Variants in SNX30 observed in about 807,000 individuals in gnomAD.
SNX30 encodes the protein sorting nexin family member 30.
A neutral mutation model predicts 46.4 loss-of-function variants in SNX30; 24 were observed. The observed-to-expected ratio is 0.52, with a 90% CI of 0.37 to 0.73. SNX30 has a LOEUF of 0.73. SNX30 is among the 30% of genes least tolerant of loss of function. SNX30 has a pLI of 0.00. For synonymous variants in SNX30, 189 were observed against 211.5 expected (o/e 0.89, Z 0.92); for missense variants, 533 against 555.7 (o/e 0.96, Z 0.41).
rs1284016846 is a variant in SNX30 at position 112,812,552 on chromosome 9, C to T, written c.349-5153C>T. 3.3e-5 allele frequency among the ~76,000 whole-genome samples: 5 copies of T among 152,180 alleles called. No homozygotes were observed. The East Asian group carries it at 9.6e-4, about 29-fold the overall frequency. On this transcript the variant is annotated intron_variant, in intron 2 of 8. Transcript: ENST00000374232. The stretch of plus-strand genomic sequence containing the variant: ...TACAGGTGTGAGCCACCGTAGTGGA[C>T]CTTGAGCATCCCTTTCATGATAACT...
At chr9:112,825,629 C>T (rs769356345) in intron 3 of SNX30, among the ~76,000 whole-genome samples, 5 of 151,820 alleles carry the variant, frequency 3.3e-5, no homozygotes, top group African/African-American at 7.3e-5. Context: ...TTGGCCTAAA[C>T]GTTATATAGA....
intron 8 of SNX30, among the ~76,000 whole-genome samples, chr9:112,865,941 C>G (rs61037015): frequency 6.6e-6 from 1 of 152,096 alleles, no homozygotes; most frequent in East Asian, 1.9e-4. Context: ...TCAAATGTCT[C>G]TGTTGCTCCC....
At chr9:112,779,207 A>G (rs1839804476) in intron 1 of SNX30, among the ~76,000 whole-genome samples, 1 of 152,188 alleles carries the variant, frequency 6.6e-6, no homozygotes, top group African/African-American at 2.4e-5. Context: ...TATGCAATGT[A>G]TTAGCGGGAC....
chr9:112,814,229 A>AATTTTTATTTTT (rs1365452372), intron 2 of SNX30, among the ~76,000 whole-genome samples: 1 of 152,248 alleles, frequency 6.6e-6, no homozygotes, highest in East Asian at 1.9e-4. Context: ...GACTTGACTC[A>AATTTTTATTTTT]ATTTTTATTT....
intron 1 of SNX30, among the ~76,000 whole-genome samples, chr9:112,795,749 C>T (rs1840095884): frequency 7.9e-6 from 1 of 126,776 alleles, no homozygotes; most frequent in African/African-American, 2.9e-5. Flanking sequence ...ATCACACACA[C>T]ACACTCACAG....
At chr9:112,780,200 T>C (rs187148693) in intron 1 of SNX30, among the ~76,000 whole-genome samples, 128 of 152,314 alleles carry the variant, frequency 8.4e-4, no homozygotes, top group African/African-American at 3.0e-3. Context: ...TGTTTAAACA[T>C]GTACATGTAT....
rs1329782820 is a variant in SNX30 at position 112,842,635 on chromosome 9, AC to A, written c.1014+3940del. On this transcript the variant is annotated intron_variant, in intron 6 of 8. Coordinates refer to ENST00000374232, the MANE Select transcript of SNX30 (RefSeq NM_001012994.2). ...GGCCACAGGACTATACTCCTTAGTG[AC>A]CAATCAGCTTGTAGCTGTGTGTTTA... Among the ~76,000 whole-genome samples the A allele has an allele frequency of 5.3e-5, 8 of 152,332 alleles. No individual in the cohort carries two copies. In the East Asian group the frequency reaches 1.4e-3, roughly 26 times the overall value.
Position 112,840,408 on chromosome 9 carries a change from A to T in SNX30, c.1014+1711A>T, listed in dbSNP as rs747659535. 5.8e-4 allele frequency among the ~76,000 whole-genome samples: 88 copies of T among 152,374 alleles called. No homozygotes were observed. The Middle Eastern group carries it at 0.027, about 47-fold the overall frequency. On this transcript the variant is annotated intron_variant, in intron 6 of 8. Transcript: ENST00000374232. Reference sequence around the variant, plus strand: ...AATTTTTGATCCTATGGCCAAAACAAGTATAGAAAGACATGCTGACTTTCT... The same window carrying T: ...AATTTTTGATCCTATGGCCAAAACATGTATAGAAAGACATGCTGACTTTCT...
In SNX30 at chr9:112,853,658, C is replaced by T. The variant is rs1322115337; in HGVS notation, c.1101+2713C>T. On this transcript the variant is annotated intron_variant, in intron 7 of 8. Transcript: ENST00000374232. The stretch of plus-strand genomic sequence containing the variant: ...GCATGATTTGACTTATATGTGGAAT[C>T]TAACAAAGTTGAAGTCATAGAAACA... 2.6e-5 allele frequency among the ~76,000 whole-genome samples: 4 copies of T among 152,204 alleles called. No individual in the cohort carries two copies. In the East Asian group the frequency reaches 5.8e-4, roughly 22 times the overall value.
chr9:112,861,877 C>G lies in SNX30; in HGVS notation c.1102-2370C>G, dbSNP rs370677059. ...TGAGGCCCGATCTTCCCAGGTTGGC[C>G]GCCCCCTCCATCCTCCTCAGCGTGC... On this transcript the variant is annotated intron_variant, in intron 7 of 8. Transcript: ENST00000374232. Among the ~76,000 whole-genome samples the G allele has an allele frequency of 5.3e-5, 8 of 152,302 alleles. No homozygotes were observed. In the East Asian group the frequency reaches 1.4e-3, roughly 26 times the overall value.
At chr9:112,782,958 G>A (rs1204449241) in intron 1 of SNX30, among the ~76,000 whole-genome samples, 1 of 152,234 alleles carries the variant, frequency 6.6e-6, no homozygotes, top group Non-Finnish European at 1.5e-5. Flanking sequence ...GTGTGTTAAT[G>A]GTTTCTGGTA....
rs748310913 is a variant in SNX30 at position 112,804,867 on chromosome 9, A to G, written c.248A>G (p.Asp83Gly). ...SLLNRLQLDD[D>G]IDGETRDLFV... ...CTCAACAGACTTCAGCTTGATGATG[A>G]TATTGATGGTGAGACTAGAGATCTC... The change falls in exon 2 of 9, where the codon GAT (aspartate) becomes GGT (glycine). Residue 83 changes from aspartate (D) to glycine (G), a missense_variant. Coordinates refer to ENST00000374232, the MANE Select transcript of SNX30 (RefSeq NM_001012994.2). The G allele has an allele frequency of 8.1e-6, 13 of 1,613,918 alleles. No individual in the cohort carries two copies. In the East Asian group the frequency reaches 2.2e-4, roughly 28 times the overall value.
At chr9:112,878,723 A>G (rs1841543778), downstream of SNX30, 1 of 152,224 alleles carries the variant, frequency 6.6e-6, no homozygotes, top group African/African-American at 2.4e-5. Flanking sequence ...GTATCTCAGC[A>G]CCTAGCATGG....
intron 1 of SNX30, among the ~76,000 whole-genome samples, chr9:112,763,716 G>T (rs1268481241): frequency 6.6e-6 from 1 of 151,992 alleles, no homozygotes; most frequent in African/African-American, 2.4e-5. Context: ...GGGCATGGCG[G>T]CGCGTGCCTG....
At chr9:112,764,827 G>A (rs1839508134) in intron 1 of SNX30, among the ~76,000 whole-genome samples, 1 of 152,198 alleles carries the variant, frequency 6.6e-6, no homozygotes, top group African/African-American at 2.4e-5. Flanking sequence ...TTGCTTTAAC[G>A]TAGGAGTAAG....
chr9:112,783,186 T>C (rs1248365407), intron 1 of SNX30, among the ~76,000 whole-genome samples: 3 of 152,236 alleles, frequency 2.0e-5, no homozygotes, highest in Non-Finnish European at 4.4e-5. Context: ...GGTAACTGTT[T>C]AATGAAATCT....
chr9:112,847,273 G>T (rs938975739), intron 6 of SNX30, among the ~76,000 whole-genome samples: 1 of 151,830 alleles, frequency 6.6e-6, no homozygotes, highest in African/African-American at 2.4e-5. Context: ...TATCCCAGCC[G>T]TCCCGCGCAT....
Position 112,831,634 on chromosome 9 carries a change from C to T in SNX30, c.618+751C>T, listed in dbSNP as rs75270311. Among the ~76,000 whole-genome samples the T allele has an allele frequency of 4.6e-4, 70 of 152,338 alleles. No individual in the cohort carries two copies. The East Asian group carries it at 0.013, about 29-fold the overall frequency. On this transcript the variant is annotated intron_variant, in intron 4 of 8. Coordinates refer to ENST00000374232, the MANE Select transcript of SNX30 (RefSeq NM_001012994.2). ...GTCTTTGTGGCTACTGAGGCCACAC[C>T]GTCCCTGTGTATCAGACTGCCTGAT...
intron 2 of SNX30, among the ~76,000 whole-genome samples, chr9:112,811,820 GCTTTTCGTT>G (rs1840325060): frequency 6.6e-6 from 1 of 152,142 alleles, no homozygotes; most frequent in African/African-American, 2.4e-5. Context: ...GTGTGTGTAT[GCTTTTCGTT>G]CTTTTAAAAA....
Sources: gnomAD v4.1 joint callset for allele counts (sites outside exome capture counted in the v4.1 genomes callset) on GRCh38, gnomAD v4.1.1 for gene constraint, MANE v1.5 for transcripts, NCBI Gene and HGNC (gene_info 2026-07-23, HGNC 2026-07-21) for gene names.